Variants in LEPR observed in about 807,000 individuals in gnomAD.
LEPR encodes the protein OB receptor.
A neutral mutation model predicts 114.7 loss-of-function variants in LEPR; 56 were observed. The ratio of observed to expected loss-of-function variants is 0.49; its 90% CI spans 0.39 to 0.61. LEPR has a LOEUF of 0.61. Among genes scored for constraint, LEPR ranks in the 20% least tolerant of loss-of-function variants. The pLI is 0.00. For missense variants in LEPR, 1,202 were observed against 1,352.9 expected (o/e 0.89, Z 1.75); for synonymous variants, 443 against 461.4 (o/e 0.96, Z 0.51).
At chr1:65,625,975 ACT>A in intron 19 of LEPR, 2 of 535,880 alleles carry the variant, frequency 3.7e-6, no homozygotes, top group East Asian at 2.8e-5. Context: ...AGGCTGAAAC[ACT>A]CTCTCTTCAG....
chr1:65,596,364 A>C, intron 6 of LEPR, 84 bp from the exon 7 acceptor site: 2 of 1,542,862 alleles, frequency 1.3e-6, no homozygotes, highest in South Asian at 2.3e-5. Flanking sequence ...GATATGATGA[A>C]AATTTATCTT....
chr1:65,614,089 G>T (rs950407133), intron 14 of LEPR, among the ~76,000 whole-genome samples: 6 of 152,126 alleles, frequency 3.9e-5, no homozygotes, highest in African/African-American at 1.4e-4. Flanking sequence ...ATGCAACATT[G>T]CATCCTAGGT....
chr1:65,600,177 T>A (rs1245116706), intron 8 of LEPR, among the ~76,000 whole-genome samples: 2 of 152,120 alleles, frequency 1.3e-5, no homozygotes, highest in African/African-American at 4.8e-5. Context: ...GTAAGGAGGT[T>A]GTGGCGCATA....
At chr1:65,456,488 T>A (rs1030812058) in intron 2 of LEPR, among the ~76,000 whole-genome samples, 10 of 152,166 alleles carry the variant, frequency 6.6e-5, no homozygotes, top group African/African-American at 2.4e-4. Context: ...CTCATTTTAA[T>A]GTATGTGGTT....
chr1:65,573,080 A>G (rs1358249829), intron 5 of LEPR, among the ~76,000 whole-genome samples: 5 of 152,340 alleles, frequency 3.3e-5, no homozygotes, highest in Admixed American at 6.5e-5. Flanking sequence ...CTCTGGGTAC[A>G]AGAGCGCCTG....
chr1:65,558,531 TTTTTTTGTTTTTTTTTTG>T (rs1383331428), intron 2 of LEPR, among the ~76,000 whole-genome samples: 24 of 35,090 alleles, frequency 6.8e-4, no homozygotes, highest in South Asian at 2.1e-3. Flanking sequence ...CAGAAGTTTT[TTTTTTTGTTTTTTTTTTG>T]TTTTTTTTTT....
intron 10 of LEPR, among the ~76,000 whole-genome samples, chr1:65,604,227 T>G (rs867165235): frequency 3.3e-5 from 5 of 152,324 alleles, no homozygotes; most frequent in Admixed American, 1.3e-4. Context: ...AGAGTTACTG[T>G]CAGTTTCTGT....
At chr1:65,626,325 G>A in intron 19 of LEPR, 1 of 1,326,654 alleles carries the variant, frequency 7.5e-7, no homozygotes, top group Non-Finnish European at 9.7e-7. Context: ...GAAATGTGAA[G>A]AATTTTTATA....
chr1:65,531,130 C>G (rs997048251), intron 2 of LEPR, among the ~76,000 whole-genome samples: 2 of 152,114 alleles, frequency 1.3e-5, no homozygotes, highest in African/African-American at 4.8e-5. Flanking sequence ...TGCCACTTTA[C>G]CTGTCTGGTC....
intron 2 of LEPR, among the ~76,000 whole-genome samples, chr1:65,498,499 C>T (rs1297667090): frequency 6.6e-6 from 1 of 151,828 alleles, no homozygotes; most frequent in Non-Finnish European, 1.5e-5. Context: ...AACATAATGA[C>T]CCAAGAATGA....
chr1:65,447,039 C>T (rs1478108494), intron 2 of LEPR, among the ~76,000 whole-genome samples: 1 of 151,892 alleles, frequency 6.6e-6, no homozygotes, highest in South Asian at 2.1e-4. Flanking sequence ...GCCATGTTGC[C>T]CAGGCTGGTC....
Position 65,460,207 on chromosome 1 carries a change from G to A in LEPR, c.-21+34829G>A, listed in dbSNP as rs114439717. Among the ~76,000 whole-genome samples, 765 of 152,256 alleles carry A rather than the reference G, an allele frequency of 5.0e-3. 8 individuals carry two copies. The highest frequency in any genetic ancestry group is 0.018 in the African/African-American group (737 of 41,532). On this transcript the variant is annotated intron_variant, in intron 2 of 19. Transcript: ENST00000349533. ...TACTATATAGTTGTTGAATGAATGA[G>A]TGATCTCTGTTTTATAGCTGAGGAC...
chr1:65,438,701 CTTTTTCT>C (rs1053147305), intron 2 of LEPR, among the ~76,000 whole-genome samples: 9 of 151,946 alleles, frequency 5.9e-5, no homozygotes, highest in East Asian at 3.9e-4. Flanking sequence ...GGAAAATTTT[CTTTTTCT>C]TTTTTCTTTT....
intron 15 of LEPR, among the ~76,000 whole-genome samples, chr1:65,616,629 CTA>C (rs1306508718): frequency 5.3e-5 from 8 of 151,738 alleles, no homozygotes; most frequent in African/African-American, 1.9e-4. Context: ...ATATTTAACA[CTA>C]TGTAAAATAG....
In LEPR at chr1:65,628,565, T is replaced by C. The variant is rs531051434; in HGVS notation, c.2673+5584T>C. On this transcript the variant is annotated intron_variant, in intron 19 of 19. Transcript: ENST00000349533. ...AATGTTAATGTACCTTTCATATTAT[T>C]CCAAAAATATCTCTGAACATTGTGT... Among the ~76,000 whole-genome samples, 3 of 152,286 alleles carry C rather than the reference T, an allele frequency of 2.0e-5. No homozygotes were observed. The South Asian group carries it at 6.2e-4, about 32-fold the overall frequency.
rs1656735212 is a variant in LEPR, at chr1:65,605,247, G to A, written c.1603+10G>A. 1 of 1,613,806 alleles carries A rather than the reference G, an allele frequency of 6.2e-7. No individual in the cohort carries two copies. On this transcript the variant is annotated intron_variant, in intron 11 of 19. Coordinates refer to ENST00000349533, the MANE Select transcript of LEPR (RefSeq NM_002303.6). ...CTTCCTGATTCTGTGGGTATGTCAA[G>A]CTGCGTTGTGTCTTCATTTGTGTTA...
At chr1:65,456,584 C>G (rs1022074751) in intron 2 of LEPR, among the ~76,000 whole-genome samples, 1 of 152,146 alleles carries the variant, frequency 6.6e-6, no homozygotes, top group African/African-American at 2.4e-5. Flanking sequence ...TCCCTGATAA[C>G]TATTTTTGCT....
chr1:65,457,401 C>G (rs1254215809), intron 2 of LEPR, among the ~76,000 whole-genome samples: 1 of 151,932 alleles, frequency 6.6e-6, no homozygotes, highest in Non-Finnish European at 1.5e-5. Context: ...TCTTTATTCT[C>G]TTTGCTTTTC....
intron 19 of LEPR, among the ~76,000 whole-genome samples, chr1:65,632,626 G>A (rs953629684): frequency 5.3e-5 from 8 of 152,028 alleles, no homozygotes; most frequent in African/African-American, 1.9e-4. Context: ...AGCCTCAATT[G>A]CTTTGTCAGA....
Sources: allele counts gnomAD v4.1 joint callset (sites outside exome capture counted in the v4.1 genomes callset), GRCh38; gene constraint gnomAD v4.1.1; transcripts MANE v1.5; gene names NCBI Gene and HGNC (gene_info 2026-07-23, HGNC 2026-07-21).